PRDM4: variants seen among roughly 807,000 people sequenced by gnomAD.
PRDM4 encodes PR domain zinc finger protein 4.
Under a neutral mutation model 62.3 loss-of-function variants are expected in PRDM4, and 38 were observed. That is an observed-to-expected ratio of 0.61 (90% CI 0.47 to 0.80). The LOEUF (loss-of-function observed/expected upper bound fraction) is 0.80. Ranked by LOEUF, PRDM4 falls within the 30% of genes least tolerant of loss-of-function variation. The probability of loss-of-function intolerance (pLI) is 0.00; values close to 1 mark genes in which losing one functional copy is unlikely to be tolerated. For synonymous variants in PRDM4, 339 were observed against 348.2 expected (o/e 0.97, Z 0.30); for missense variants, 858 against 997.1 (o/e 0.86, Z 1.88).
chr12:107,751,861 T>C lies in PRDM4; in HGVS notation c.680A>G (p.Asn227Ser), dbSNP rs374219259. The change falls in exon 5 of 12, where the codon AAT (asparagine) becomes AGT (serine). Residue 227 changes from asparagine to serine, a missense_variant. This residue lies in a region of PRDM4 where 499 missense variants were observed against 546.7 expected (regional missense o/e 0.91). Coordinates refer to ENST00000228437, the MANE Select transcript of PRDM4 (RefSeq NM_012406.4). Reference sequence around the variant, plus strand: ...CAGAGGTTCATGACTTCTGGAGCCATTTGGGATTTGGGAATGCTCGCCTGC... The same window carrying C: ...CAGAGGTTCATGACTTCTGGAGCCACTTGGGATTTGGGAATGCTCGCCTGC... ...GVAGEHSQIP[N>S]GSRSHEPLSV... is the part of the protein sequence containing the mutation. 6.2e-7 allele frequency: 1 copy of C among 1,614,076 alleles called. No homozygotes were observed. Among genetic ancestry groups the C allele is most frequent in the African/African-American group, 1.3e-5 (1 of 74,918 alleles).
chr12:107,744,347 G>A (rs2136317083), intron 7 of PRDM4, among the ~76,000 whole-genome samples, 196 bp downstream of exon 7: 1 of 152,228 alleles, frequency 6.6e-6, no homozygotes, highest in South Asian at 2.1e-4. Context: ...CCAGTAGCTG[G>A]TGTTTTGCTG....
chr12:107,743,075 C>G, intron 8 of PRDM4, 122 bp downstream of exon 8: 1 of 794,984 alleles, frequency 1.3e-6, no homozygotes, highest in Non-Finnish European at 2.0e-6. Flanking sequence ...CTGCCTTGGG[C>G]TTTAAGTATG....
chr12:107,734,120 C>T lies in PRDM4; in HGVS notation c.*90G>A. ...TACTGGCTGAAAATAAATCAGGAAC[C>T]ATTTTATATAAAAACCATTATAGTA... On this transcript the variant is annotated 3_prime_UTR_variant, in exon 12 of 12. Coordinates refer to ENST00000228437, the MANE Select transcript of PRDM4 (RefSeq NM_012406.4). The T allele has an allele frequency of 2.2e-6, 3 of 1,337,076 alleles. No homozygotes were observed. Among genetic ancestry groups the T allele is most frequent in the Non-Finnish European group, 3.1e-6 (3 of 978,476 alleles). The allele number at this position is 1,337,076 out of a possible 1,614,324, so 82.8% of individuals were successfully genotyped here.
intron 5 of PRDM4, among the ~76,000 whole-genome samples, chr12:107,748,626 G>C (rs1300161625): frequency 2.6e-5 from 4 of 152,202 alleles, no homozygotes; most frequent in Non-Finnish European, 5.9e-5. Context: ...ATCTGGAAAA[G>C]GCAAATCCAT....
intron 11 of PRDM4, among the ~76,000 whole-genome samples, chr12:107,735,708 A>T (rs530579740): frequency 6.6e-6 from 1 of 151,728 alleles, no homozygotes; most frequent in South Asian, 2.1e-4. Flanking sequence ...TGGCCTAGAC[A>T]TTTCAGAGCT....
chr12:107,740,625 G>C (rs1298677550), intron 10 of PRDM4, among the ~76,000 whole-genome samples: 2 of 152,132 alleles, frequency 1.3e-5, no homozygotes, highest in Non-Finnish European at 2.9e-5. Flanking sequence ...AACTGGCTCT[G>C]GCTGGTGACT....
chr12:107,741,352 T>C lies in PRDM4; in HGVS notation c.1610-92A>G, dbSNP rs1593164501. On this transcript the variant is annotated intron_variant, in intron 9 of 11. Transcript: ENST00000228437. ...AATCATTGCTTCCAGTTCTCCTTTCTCTCCATATTTCCAATTTGCCCACTT... is the reference window on the plus strand; with the variant it reads ...AATCATTGCTTCCAGTTCTCCTTTCCCTCCATATTTCCAATTTGCCCACTT... 9.2e-6 allele frequency: 11 copies of C among 1,201,250 alleles called. No individual in the cohort carries two copies. The East Asian group carries it at 2.8e-4, about 30-fold the overall frequency. The allele number at this position is 1,201,250 out of a possible 1,614,324, so 74.4% of individuals were successfully genotyped here.
At chr12:107,742,987 G>A (rs1285835519) in intron 8 of PRDM4, among the ~76,000 whole-genome samples, 1 of 152,040 alleles carries the variant, frequency 6.6e-6, no homozygotes, top group Non-Finnish European at 1.5e-5. Context: ...GGCTGGTCTC[G>A]AACTCCTGGC....
In PRDM4 at chr12:107,760,536, G is replaced by C. The variant is rs1410955388; in HGVS notation, c.-21C>G. ...TGCATCGGCTTGGGGCCAAATATCA[G>C]AGAAAGGAGCGCTCGGGTGGTGGGG... On this transcript the variant is annotated 5_prime_UTR_variant, in exon 2 of 12. Coordinates refer to ENST00000228437, the MANE Select transcript of PRDM4 (RefSeq NM_012406.4). 1 of 1,613,110 alleles carries C rather than the reference G, an allele frequency of 6.2e-7. No individual in the cohort carries two copies. The highest frequency in any genetic ancestry group is 8.5e-7 in the Non-Finnish European group (1 of 1,179,550).
At position 107,760,575 on chromosome 12, in the gene PRDM4, G is replaced by A. The variant is rs986740114; in HGVS notation, c.-60C>T. 2.5e-6 allele frequency: 4 copies of A among 1,603,512 alleles called. No individual in the cohort carries two copies. The highest frequency in any genetic ancestry group is 3.4e-6 in the Non-Finnish European group (4 of 1,173,934). ...CGGGTGGTGGGGAACAGGCATCAGG[G>A]TTTGCGTTCCAGGGTCACGTGCTAC... On this transcript the variant is annotated 5_prime_UTR_variant, in exon 2 of 12. Transcript: ENST00000228437.
chr12:107,746,441 T>C lies in PRDM4; in HGVS notation c.1127-17A>G. The stretch of plus-strand genomic sequence containing the variant: ...GAGTACACCCTGTAGATGGCAAATT[T>C]GAGCAATACAAATGGGTTTAGTTCA... On this transcript the variant is annotated splice_polypyrimidine_tract_variant and intron_variant, in intron 5 of 11. Coordinates refer to ENST00000228437, the MANE Select transcript of PRDM4 (RefSeq NM_012406.4). The C allele has an allele frequency of 6.4e-7, 1 of 1,552,632 alleles. No homozygotes were observed. Among genetic ancestry groups the C allele is most frequent in the Non-Finnish European group, 8.7e-7 (1 of 1,150,400 alleles).
chr12:107,747,749 C>G (rs1890757748), intron 5 of PRDM4, among the ~76,000 whole-genome samples: 1 of 152,042 alleles, frequency 6.6e-6, no homozygotes, highest in South Asian at 2.1e-4. Flanking sequence ...CAACCATTCA[C>G]AAAATAGTTG....
intron 6 of PRDM4, 119 bp downstream of exon 6, chr12:107,746,154 CTT>C (rs1389802453): frequency 8.2e-7 from 1 of 1,221,406 alleles, no homozygotes; most frequent in African/African-American, 1.5e-5. Flanking sequence ...AAGCATAAAT[CTT>C]AAGCCATAAA....
In PRDM4 at chr12:107,741,203, T is replaced by C. The variant is rs1890507534; in HGVS notation, c.1667A>G (p.Tyr556Cys). ...GGTCAGATGGGCTTTGAACTCTGTGTAAGAATTGCACTCCTTGCCACAGTT... is the reference window on the plus strand; with the variant it reads ...GGTCAGATGGGCTTTGAACTCTGTGCAAGAATTGCACTCCTTGCCACAGTT... ...LCNCGKECNS[Y>C]TEFKAHLTSH... Residue 556 changes from tyrosine to cysteine, a missense_variant, in exon 10 of 12, where the codon TAC becomes TGC. Transcript: ENST00000228437. 1.2e-6 allele frequency: 2 copies of C among 1,614,044 alleles called. No homozygotes were observed. The highest frequency in any genetic ancestry group is 1.7e-6 in the Non-Finnish European group (2 of 1,180,024).
Position 107,742,206 on chromosome 12 carries a change from C to G in PRDM4, c.1609+15G>C. 1 of 1,606,262 alleles carries G rather than the reference C, an allele frequency of 6.2e-7. No homozygotes were observed. Among genetic ancestry groups the G allele is most frequent in the Non-Finnish European group, 8.5e-7 (1 of 1,176,574 alleles). On this transcript the variant is annotated intron_variant, in intron 9 of 11. Coordinates refer to ENST00000228437, the MANE Select transcript of PRDM4 (RefSeq NM_012406.4). ...TTTACTAAGCCAGATTCATTATAAA[C>G]ACATATTAACTTACCAATCTGTTGA...
intron 9 of PRDM4, 23 bp downstream of exon 9, chr12:107,742,198 A>G: frequency 6.2e-7 from 1 of 1,604,138 alleles, no homozygotes; most frequent in Non-Finnish European, 8.5e-7. Context: ...AGCCAGATTC[A>G]TTATAAACAC....
rs1165006937 is a variant in PRDM4, at chr12:107,734,542, A to C, written c.2094-20T>G. 1 of 1,592,334 alleles carries C rather than the reference A, an allele frequency of 6.3e-7. No homozygotes were observed. The highest frequency in any genetic ancestry group is 8.6e-7 in the Non-Finnish European group (1 of 1,168,892). ...CGTTCTCTAAGAGGAACACAAGAAA[A>C]AACATTTGATTTGGGGTTACAAATA... On this transcript the variant is annotated intron_variant, in intron 11 of 11. Coordinates refer to ENST00000228437, the MANE Select transcript of PRDM4 (RefSeq NM_012406.4).
At chr12:107,744,186 A>AC (rs1296623479) in intron 7 of PRDM4, among the ~76,000 whole-genome samples, 14 of 152,348 alleles carry the variant, frequency 9.2e-5, no homozygotes, top group Non-Finnish European at 1.9e-4. Flanking sequence ...TAAGATAAAC[A>AC]TTTGAGGAAT....
chr12:107,755,033 T>C (rs945548130), intron 3 of PRDM4, among the ~76,000 whole-genome samples: 1 of 152,218 alleles, frequency 6.6e-6, no homozygotes, highest in Admixed American at 6.5e-5. Context: ...CTAAGTATCA[T>C]AATAAATACC....
Sources: allele counts gnomAD v4.1 joint callset (sites outside exome capture counted in the v4.1 genomes callset), GRCh38; gene constraint gnomAD v4.1.1; regional missense constraint gnomAD v4.1.1; transcripts MANE v1.5; gene names NCBI Gene and HGNC (gene_info 2026-07-23, HGNC 2026-07-21).